Variants in NHS observed in about 807,000 individuals in gnomAD.
NHS encodes the protein NHS actin remodeling regulator.
A neutral mutation model predicts 72.5 loss-of-function variants in NHS; 5 were observed. The observed-to-expected ratio is 0.07, with a 90% CI of 0.04 to 0.14. NHS has a LOEUF of 0.14. Among genes scored for constraint, NHS ranks in the 10% least tolerant of loss-of-function variants. The pLI, the probability that NHS is intolerant of heterozygous loss-of-function variation, is 1.00. For synonymous variants in NHS, 464 were observed against 547.7 expected (o/e 0.85, Z 2.13); for missense variants, 1,072 against 1,355.7 (o/e 0.79, Z 3.29).
chrX:17,679,860 G>GC (rs1491537189), intron 1 of NHS, among the ~76,000 whole-genome samples: 1 of 58,879 alleles, frequency 1.7e-5, no homozygotes, highest in Non-Finnish European at 2.6e-5. Flanking sequence ...AATGAAGAAA[G>GC]GGGGGGGGGG....
intron 1 of NHS, among the ~76,000 whole-genome samples, chrX:17,566,259 G>A (rs1321233938): frequency 5.4e-5 from 6 of 110,852 alleles, no homozygotes; most frequent in African/African-American, 1.6e-4. Context: ...CTGGGATTAC[G>A]GGCATGAGCC....
chrX:17,505,377 CA>C (rs768801147), intron 1 of NHS, among the ~76,000 whole-genome samples: 135 of 110,962 alleles, frequency 1.2e-3, no homozygotes, highest in African/African-American at 4.4e-3. Flanking sequence ...AAAAGTTTGC[CA>C]AATTGCCCTC....
chrX:17,455,697 A>G (rs2064822979), intron 1 of NHS, among the ~76,000 whole-genome samples: 1 of 112,349 alleles, frequency 8.9e-6, no homozygotes, highest in South Asian at 3.7e-4. Context: ...AGGATGGAAA[A>G]AAAGGACTAG....
intron 1 of NHS, among the ~76,000 whole-genome samples, chrX:17,650,110 G>T (rs1188985533): frequency 1.8e-5 from 2 of 112,292 alleles, no homozygotes; most frequent in African/African-American, 6.5e-5. Context: ...GGAGAGAATG[G>T]GTATGGTATA....
At chrX:17,452,499 T>G (rs181056677) in intron 1 of NHS, among the ~76,000 whole-genome samples, 5 of 104,704 alleles carry the variant, frequency 4.8e-5, no homozygotes, top group African/African-American at 7.2e-5. Flanking sequence ...GTGTTTTTTT[T>G]TTTTGTTTTT....
intron 1 of NHS, among the ~76,000 whole-genome samples, chrX:17,612,479 C>T (rs754554812): frequency 3.6e-5 from 4 of 110,935 alleles, no homozygotes; most frequent in Non-Finnish European, 7.6e-5. Context: ...CCCAGCCTTC[C>T]TTGTTCCTTT....
intron 1 of NHS, among the ~76,000 whole-genome samples, chrX:17,529,378 CATGTACATAT>C (rs2065187941): frequency 9.0e-6 from 1 of 111,627 alleles, no homozygotes; most frequent in South Asian, 3.7e-4. Flanking sequence ...CAGAAAAGTG[CATGTACATAT>C]ATGAAGAGCA....
chrX:17,436,317 C>A (rs774547528), intron 1 of NHS, among the ~76,000 whole-genome samples: 1 of 110,935 alleles, frequency 9.0e-6, no homozygotes, highest in Non-Finnish European at 1.9e-5. Flanking sequence ...CCATTCTTAA[C>A]TATTTTTCTC....
intron 1 of NHS, among the ~76,000 whole-genome samples, chrX:17,476,659 A>G (rs765391759): frequency 9.0e-6 from 1 of 111,399 alleles, no homozygotes; most frequent in Non-Finnish European, 1.9e-5. Flanking sequence ...GCAACAAGTA[A>G]AGGACATTAT....
At chrX:17,631,668 G>T (rs907081727) in intron 1 of NHS, among the ~76,000 whole-genome samples, 1 of 112,133 alleles carries the variant, frequency 8.9e-6, no homozygotes, top group African/African-American at 3.2e-5. Context: ...ATTTGTTTCA[G>T]TGCTTAGTAT....
intron 1 of NHS, among the ~76,000 whole-genome samples, chrX:17,399,398 G>A (rs1426609985): frequency 9.0e-6 from 1 of 111,627 alleles, no homozygotes; most frequent in East Asian, 2.8e-4. Context: ...CACCATGCCC[G>A]ACCCCTACTT....
At chrX:17,420,268 C>T (rs962189418) in intron 1 of NHS, among the ~76,000 whole-genome samples, 2 of 111,772 alleles carry the variant, frequency 1.8e-5, no homozygotes, top group Admixed American at 1.9e-4. Flanking sequence ...ATCCATTCAC[C>T]CATTAACCTG....
At chrX:17,516,320 G>A (rs1344967267) in intron 1 of NHS, among the ~76,000 whole-genome samples, 1 of 111,361 alleles carries the variant, frequency 9.0e-6, no homozygotes, top group Non-Finnish European at 1.9e-5. Flanking sequence ...GAAGCATTAG[G>A]CTTGGAGAAC....
At chrX:17,624,668 A>T (rs1416945713) in intron 1 of NHS, among the ~76,000 whole-genome samples, 1 of 113,563 alleles carries the variant, frequency 8.8e-6, no homozygotes, top group East Asian at 2.7e-4. Flanking sequence ...GGTGTGAAAC[A>T]CCAGAATTTC....
chrX:17,572,181 T>C lies in NHS; in HGVS notation c.566-115561T>C, dbSNP rs768808568. Among the ~76,000 whole-genome samples, 160 of 111,699 alleles carry C rather than the reference T, an allele frequency of 1.4e-3. 1 individual carries two copies. Among genetic ancestry groups the C allele is most frequent in the African/African-American group, 5.1e-3 (156 of 30,601 alleles). ...GAGAGTTCTGTAGATGTCTATTAGG[T>C]CTGCTTGGTGCAGAGCTGAGTTCAA... On this transcript the variant is annotated intron_variant, in intron 1 of 8. Coordinates refer to ENST00000676302, the MANE Select transcript of NHS (RefSeq NM_001291867.2).
At chrX:17,483,155 T>C (rs1169708926) in intron 1 of NHS, among the ~76,000 whole-genome samples, 1 of 112,490 alleles carries the variant, frequency 8.9e-6, no homozygotes, top group African/African-American at 3.2e-5. Flanking sequence ...GTGAAACCTA[T>C]GGATCCCTTC....
intron 1 of NHS, among the ~76,000 whole-genome samples, chrX:17,390,624 C>G (rs2064440059): frequency 3.6e-5 from 4 of 111,604 alleles, no homozygotes; most frequent in Admixed American, 2.9e-4. Context: ...GGGAAGGGTT[C>G]CCTGGAAGAT....
chrX:17,476,657 T>C (rs1404244087), intron 1 of NHS, among the ~76,000 whole-genome samples: 1 of 110,878 alleles, frequency 9.0e-6, no homozygotes, highest in Non-Finnish European at 1.9e-5. Context: ...GGGCAACAAG[T>C]AAAGGACATT....
At chrX:17,709,889 G>A (rs917718913) in intron 3 of NHS, among the ~76,000 whole-genome samples, 36 of 111,365 alleles carry the variant, frequency 3.2e-4, no homozygotes, top group African/African-American at 8.8e-4. Context: ...CTAGAAAGGG[G>A]TACTGGACGG....
Sources: gnomAD v4.1 joint callset for allele counts (sites outside exome capture counted in the v4.1 genomes callset) on GRCh38, gnomAD v4.1.1 for gene constraint, MANE v1.5 for transcripts, NCBI Gene and HGNC (gene_info 2026-07-23, HGNC 2026-07-21) for gene names.